Variants in GAREM1 observed in about 807,000 individuals in gnomAD.
GAREM1 encodes GRB2 associated regulator of MAPK1 subtype 1, also known as GRB2-associated and regulator of MAPK protein 1.
A neutral mutation model predicts 71.3 loss-of-function variants in GAREM1; 26 were observed. That is an observed-to-expected ratio of 0.36 (90% CI 0.27 to 0.51). GAREM1 has a LOEUF of 0.51. GAREM1 is among the 20% of genes least tolerant of loss of function. The pLI is 0.95. For missense variants in GAREM1, 1,026 were observed against 1,103.1 expected (o/e 0.93, Z 0.99); for synonymous variants, 440 against 433.2 (o/e 1.02, Z -0.20).
intron 2 of GAREM1, among the ~76,000 whole-genome samples, chr18:32,319,758 T>C (rs957742465): frequency 1.3e-5 from 2 of 152,226 alleles, no homozygotes; most frequent in Non-Finnish European, 2.9e-5. Context: ...GTATCTGATA[T>C]AGTATACACA....
Position 32,393,040 on chromosome 18 carries a change from G to C in GAREM1, c.122-5C>G, listed in dbSNP as rs777862609. ...GCAGCCCTTCTACGCACTCTCCTAGGAAATACAATTTTATATGAGAAACTT... is the reference window on the plus strand; with the variant it reads ...GCAGCCCTTCTACGCACTCTCCTAGCAAATACAATTTTATATGAGAAACTT... On this transcript the variant is annotated splice_region_variant and splice_polypyrimidine_tract_variant and intron_variant, in intron 1 of 5. Transcript: ENST00000269209. 1 of 1,609,802 alleles carries C rather than the reference G, an allele frequency of 6.2e-7. No homozygotes were observed. The highest frequency in any genetic ancestry group is 1.1e-5 in the South Asian group (1 of 90,594).
intron 1 of GAREM1, among the ~76,000 whole-genome samples, chr18:32,468,313 G>T (rs920642006): frequency 2.0e-5 from 3 of 152,198 alleles, no homozygotes; most frequent in Non-Finnish European, 4.4e-5. Flanking sequence ...TTAGCCCATG[G>T]ACTCTTTGGC....
At chr18:32,304,137 T>G (rs749946419) in intron 3 of GAREM1, among the ~76,000 whole-genome samples, 7 of 151,288 alleles carry the variant, frequency 4.6e-5, no homozygotes, top group Non-Finnish European at 7.4e-5. Flanking sequence ...CGAAACCCCA[T>G]CTCTACTAAA....
intron 1 of GAREM1, among the ~76,000 whole-genome samples, chr18:32,423,518 A>G (rs2048541440): frequency 6.6e-6 from 1 of 152,172 alleles, no homozygotes; most frequent in African/African-American, 2.4e-5. Context: ...AGAAAGGGAA[A>G]TTAGGTCTTA....
In GAREM1 at chr18:32,263,787, A is replaced by C. The variant is rs1017696077; in HGVS notation, c.*4084T>G. On this transcript the variant is annotated 3_prime_UTR_variant, in exon 6 of 6. Transcript: ENST00000269209. Reference sequence around the variant, plus strand: ...ACTCTCCAAATTCTTAACTGATTTCAATTTTTAGGCTTAGCTTAAATATTT... The same window carrying C: ...ACTCTCCAAATTCTTAACTGATTTCCATTTTTAGGCTTAGCTTAAATATTT... 2.0e-5 allele frequency: 3 copies of C among 152,216 alleles called. No individual in the cohort carries two copies. Among genetic ancestry groups the C allele is most frequent in the Non-Finnish European group, 4.4e-5 (3 of 68,042 alleles). The allele number at this position is 152,216 out of a possible 1,614,324, so 9.4% of individuals were successfully genotyped here.
chr18:32,364,012 A>ATT (rs2047897309), intron 2 of GAREM1, among the ~76,000 whole-genome samples: 2 of 51,466 alleles, frequency 3.9e-5, no homozygotes, highest in African/African-American at 2.3e-4. Context: ...ATATATATAT[A>ATT]TATATATATA....
In GAREM1 at chr18:32,287,219, C is replaced by G; in HGVS notation, c.1378G>C (p.Glu460Gln). 1 of 1,614,234 alleles carries G rather than the reference C, an allele frequency of 6.2e-7. No homozygotes were observed. The highest frequency in any genetic ancestry group is 2.2e-5 in the East Asian group (1 of 44,872). ...AGAGGCTGATGGCTGGGCTTGCCTT[C>G]CTCCAGCCACAGCTCTTCGTAGGGA... ...ELPYEELWLE[E>Q]GKPSHQPLTR... Residue 460 changes from glutamate to glutamine, a missense_variant, in exon 4 of 6, where the codon GAA (glutamate) becomes CAA (glutamine). By Grantham distance (29) the Glu-to-Gln change is conservative (BLOSUM62 2). Coordinates refer to ENST00000269209, the MANE Select transcript of GAREM1 (RefSeq NM_001242409.2). This position sits in a 1 kb window ranked among gnomAD's most constrained non-coding sequence, Gnocchi z 5.9.
chr18:32,337,189 A>G (rs1378228625), intron 2 of GAREM1, among the ~76,000 whole-genome samples: 2 of 152,148 alleles, frequency 1.3e-5, no homozygotes, highest in Non-Finnish European at 2.9e-5. Flanking sequence ...CCTGGAAAAT[A>G]TTTACTTTTT....
intron 1 of GAREM1, among the ~76,000 whole-genome samples, chr18:32,463,746 G>T (rs921046831): frequency 9.3e-5 from 14 of 151,236 alleles, no homozygotes; most frequent in Non-Finnish European, 1.9e-4. Context: ...ATTTTTTGTA[G>T]TTTTAGTAGA....
At chr18:32,431,106 A>G (rs2048620468) in intron 1 of GAREM1, among the ~76,000 whole-genome samples, 1 of 152,180 alleles carries the variant, frequency 6.6e-6, no homozygotes, top group Non-Finnish European at 1.5e-5. Flanking sequence ...CCACTACCCA[A>G]GACCAAGACT....
chr18:32,389,631 C>T (rs2048177542), intron 2 of GAREM1, among the ~76,000 whole-genome samples: 1 of 152,088 alleles, frequency 6.6e-6, no homozygotes, highest in South Asian at 2.1e-4. Flanking sequence ...TTCATTTCAA[C>T]CTAGATGAAA....
intron 1 of GAREM1, among the ~76,000 whole-genome samples, chr18:32,409,266 A>G (rs1362292634): frequency 6.6e-6 from 1 of 152,196 alleles, no homozygotes; most frequent in Non-Finnish European, 1.5e-5. Context: ...CCCCTCAAAG[A>G]AAGCAGAGTA....
intron 1 of GAREM1, among the ~76,000 whole-genome samples, chr18:32,414,440 T>C (rs1373656953): frequency 6.6e-6 from 1 of 152,020 alleles, no homozygotes; most frequent in Non-Finnish European, 1.5e-5. Context: ...ACCTGAAGTA[T>C]GTGGTTACAT....
In GAREM1 at chr18:32,352,807, G is replaced by C. The variant is rs551810596; in HGVS notation, c.262+40088C>G. On this transcript the variant is annotated intron_variant, in intron 2 of 5. Coordinates refer to ENST00000269209, the MANE Select transcript of GAREM1 (RefSeq NM_001242409.2). Reference sequence around the variant, plus strand: ...GGGTTTAAGGAGGATGGGGCTAGAGGGGAGAGAATTCTGGGCTGATTCAGA... The same window carrying C: ...GGGTTTAAGGAGGATGGGGCTAGAGCGGAGAGAATTCTGGGCTGATTCAGA... Among the ~76,000 whole-genome samples, 64 of 152,284 alleles carry C rather than the reference G, an allele frequency of 4.2e-4. No individual in the cohort carries two copies. The South Asian group carries it at 7.1e-3, about 17-fold the overall frequency.
intron 2 of GAREM1, among the ~76,000 whole-genome samples, chr18:32,323,595 G>C (rs555180722): frequency 6.3e-4 from 96 of 152,188 alleles, no homozygotes; most frequent in African/African-American, 2.2e-3. Context: ...TGTAATCCCA[G>C]ATACTTGAGA....
chr18:32,322,531 G>T (rs2047439339), intron 2 of GAREM1, among the ~76,000 whole-genome samples: 1 of 152,170 alleles, frequency 6.6e-6, no homozygotes, highest in South Asian at 2.1e-4. Context: ...TCTTTTGAAT[G>T]ACTGCATTAT....
chr18:32,467,243 T>C (rs899393734), intron 1 of GAREM1, among the ~76,000 whole-genome samples: 1 of 152,194 alleles, frequency 6.6e-6, no homozygotes, highest in African/African-American at 2.4e-5. Flanking sequence ...GTTGTATGTA[T>C]GATGGATGAG....
chr18:32,274,594 G>A (rs1048772896), intron 4 of GAREM1, among the ~76,000 whole-genome samples: 2 of 152,104 alleles, frequency 1.3e-5, no homozygotes, highest in African/African-American at 2.4e-5. Flanking sequence ...AGGCTCCCAC[G>A]CATCTTTCTA....
chr18:32,371,542 G>A (rs754383614), intron 2 of GAREM1, among the ~76,000 whole-genome samples: 1 of 152,180 alleles, frequency 6.6e-6, no homozygotes, highest in Non-Finnish European at 1.5e-5. Context: ...GGGGGATGAA[G>A]TCGTGGGAGG....
Sources: allele counts gnomAD v4.1 joint callset (sites outside exome capture counted in the v4.1 genomes callset), GRCh38; gene constraint gnomAD v4.1.1; non-coding constraint Gnocchi (gnomAD v3.1); transcripts MANE v1.5; gene names NCBI Gene and HGNC (gene_info 2026-07-23, HGNC 2026-07-21).